The following TFF2 variants were observed in gnomAD, a reference collection of about 807,000 sequenced individuals.
TFF2 encodes the protein spasmolysin.
A neutral mutation model predicts 16.0 loss-of-function variants in TFF2; 19 were observed. The observed-to-expected ratio is 1.19, with a 90% CI of 0.83 to 1.74. TFF2 has a LOEUF of 1.74. Among genes scored for constraint, TFF2 ranks in the 40% most tolerant of loss-of-function variants. The pLI is 0.00. For missense variants in TFF2, 168 were observed against 166.8 expected, an observed-to-expected ratio of 1.01 and a Z score of -0.04; for synonymous variants, 61 against 65.4, an observed-to-expected ratio of 0.93 and a Z score of 0.32.
Position 42,347,487 on chromosome 21 carries a change from T to G in TFF2, c.375A>C (p.Glu125Asp). The change falls in exon 3 of 4, where the codon GAA (glutamate) becomes GAC (aspartate). Residue 125 changes from glutamate (E) to aspartate (D), a missense_variant and splice_region_variant. Coordinates refer to ENST00000291526, the MANE Select transcript of TFF2 (RefSeq NM_005423.5). ...CAGAGAGTCCCACAGCGACGTTACC[T>G]TCCACAGACTTCGGGAAGAAGCACC... is the stretch of plus-strand genomic sequence containing the variant. The part of the protein sequence containing the change: ...VPWCFFPKSV[E>D]DCHY 1 of 1,614,120 alleles carries G rather than the reference T, an allele frequency of 6.2e-7. No homozygotes were observed.
Position 42,346,412 on chromosome 21 carries a change from T to C in TFF2, c.*121A>G. On this transcript the variant is annotated 3_prime_UTR_variant, in exon 4 of 4. Coordinates refer to ENST00000291526, the MANE Select transcript of TFF2 (RefSeq NM_005423.5). ...AAATTATATGTTAAACCATTGAAAA[T>C]GAGGAAAAGATGGTTAAGAAAACCC... 7.9e-7 allele frequency: 1 copy of C among 1,270,254 alleles called. No individual in the cohort carries two copies. The highest frequency in any genetic ancestry group is 1.1e-6 in the Non-Finnish European group (1 of 883,280). 78.7% of individuals were successfully genotyped at this position (1,270,254 alleles called of 1,614,324 possible).
chr21:42,350,161 A>G, intron 1 of TFF2, 131 bp from the exon 2 acceptor site: 2 of 1,355,572 alleles, frequency 1.5e-6, no homozygotes, highest in South Asian at 1.9e-5. Flanking sequence ...TCTTGCCCAT[A>G]TTTAAGCAAT....
At position 42,349,951 on chromosome 21, in the gene TFF2, A is replaced by T. The variant is rs1305053500; in HGVS notation, c.159T>A (p.Phe53Leu). The part of the protein sequence containing the change: ...GFPGITSDQC[F>L]DNGCCFDSSV... ...TGGAGTCGAAACAGCATCCATTGTCAAAACACTGGTCACTGGTGATTCCAG... is the reference window on the plus strand; with the variant it reads ...TGGAGTCGAAACAGCATCCATTGTCTAAACACTGGTCACTGGTGATTCCAG... Residue 53 changes from phenylalanine to leucine, a missense_variant, in exon 2 of 4, where the codon TTT (phenylalanine) becomes TTA (leucine). Coordinates refer to ENST00000291526, the MANE Select transcript of TFF2 (RefSeq NM_005423.5). The T allele has an allele frequency of 1.9e-6, 3 of 1,600,156 alleles. 1 individual carries two copies. Among genetic ancestry groups the T allele is most frequent in the Non-Finnish European group, 2.6e-6 (3 of 1,173,220 alleles).
rs112793400 is a variant in TFF2 at position 42,349,829 on chromosome 21, C to A, written c.229+52G>T. On this transcript the variant is annotated intron_variant, in intron 2 of 3. Transcript: ENST00000291526. ...CCTGCTCTGGGCTCCGCCTGTGAAG[C>A]TGGGTCCTGGGTTGCCAGCTGCTGG... is the stretch of plus-strand genomic sequence containing the variant. 1.5e-4 allele frequency: 224 copies of A among 1,523,542 alleles called. 1 individual carries two copies. The African/African-American group carries it at 2.6e-3, about 17-fold the overall frequency. The allele number at this position is 1,523,542 out of a possible 1,614,324, so 94.4% of individuals were successfully genotyped here. A position where few individuals can be genotyped will look rare whatever the true frequency, so the allele number is the denominator to read the frequency against.
intron 3 of TFF2, among the ~76,000 whole-genome samples, chr21:42,347,280 T>C (rs908395893): frequency 4.6e-5 from 7 of 152,198 alleles, no homozygotes; most frequent in African/African-American, 1.7e-4. Flanking sequence ...GCAGTGGCAA[T>C]GCTGGAGGCT....
chr21:42,348,036 A>C (rs1412413798), intron 2 of TFF2, among the ~76,000 whole-genome samples: 1 of 152,178 alleles, frequency 6.6e-6, no homozygotes, highest in Non-Finnish European at 1.5e-5. Context: ...TAAGATGGAA[A>C]GCGTTTGGAC....
chr21:42,347,619 G>A lies in TFF2; in HGVS notation c.243C>T (p.Cys81=). ...HPLPKQESDQ[C]VMEVSDRRNC... Reference sequence around the variant, plus strand: ...TTCTTCGGTCTGAGACCTCCATGACGCACTGATCCGACTCTGCCATGGGAC... The same window carrying A: ...TTCTTCGGTCTGAGACCTCCATGACACACTGATCCGACTCTGCCATGGGAC... Residue 81 remains cysteine (C), a synonymous_variant, in exon 3 of 4, where the codon TGC becomes TGT. Coordinates refer to ENST00000291526, the MANE Select transcript of TFF2 (RefSeq NM_005423.5). 3.1e-6 allele frequency: 5 copies of A among 1,614,068 alleles called. No individual in the cohort carries two copies. Among genetic ancestry groups the A allele is most frequent in the African/African-American group, 1.3e-5 (1 of 75,054 alleles).
Position 42,350,943 on chromosome 21 carries a change from G to C in TFF2, c.15C>G (p.Asp5Glu). MGRRDAQLLAALLVL... is the reference protein window; with the variant it reads MGRREAQLLAALLVL... The stretch of plus-strand genomic sequence containing the variant: ...CGAGGAGCGCTGCCAGGAGCTGGGC[G>C]TCTCGCCGTCCCATGTCTAGCTCAG... Residue 5 changes from aspartate to glutamate, a missense_variant, in exon 1 of 4, where the codon GAC becomes GAG. By Grantham distance (45) the Asp-to-Glu change is conservative. Coordinates refer to ENST00000291526, the MANE Select transcript of TFF2 (RefSeq NM_005423.5). 1 of 1,613,892 alleles carries C rather than the reference G, an allele frequency of 6.2e-7. No homozygotes were observed. Among genetic ancestry groups the C allele is most frequent in the Non-Finnish European group, 8.5e-7 (1 of 1,179,892 alleles).
chr21:42,347,328 A>G (rs1404624157), intron 3 of TFF2, among the ~76,000 whole-genome samples, 158 bp downstream of exon 3: 2 of 152,218 alleles, frequency 1.3e-5, no homozygotes, highest in Non-Finnish European at 2.9e-5. Context: ...TGCCAAGAAC[A>G]TTCTGGAATT....
intron 2 of TFF2, among the ~76,000 whole-genome samples, chr21:42,348,134 G>C (rs955957758): frequency 6.6e-6 from 1 of 152,202 alleles, no homozygotes; most frequent in Admixed American, 6.5e-5. Context: ...GGCCCAGCAA[G>C]CCTCCCAGCA....
chr21:42,346,581 A>G (rs1396413547), intron 3 of TFF2, 35 bp from the exon 4 acceptor site: 2 of 1,585,830 alleles, frequency 1.3e-6, no homozygotes, highest in African/African-American at 2.7e-5. Context: ...TGGTAAGGGA[A>G]CCCCAGAAAT....
At chr21:42,349,754 A>G (rs537143421) in intron 2 of TFF2, 127 bp downstream of exon 2, 1 of 996,398 alleles carries the variant, frequency 1.0e-6, no homozygotes, top group Non-Finnish European at 1.4e-6. Flanking sequence ...CTAGCTCGAG[A>G]CTAACCCACC....
chr21:42,346,448 G>T lies in TFF2; in HGVS notation c.*85C>A. Reference sequence around the variant, plus strand: ...TGGTTAAGAAAACCCAGGATTTCATGAAGTATGAAGCTGATAAGGCGAAGT... The same window carrying T: ...TGGTTAAGAAAACCCAGGATTTCATTAAGTATGAAGCTGATAAGGCGAAGT... On this transcript the variant is annotated 3_prime_UTR_variant, in exon 4 of 4. Transcript: ENST00000291526. The T allele has an allele frequency of 6.6e-7, 1 of 1,515,942 alleles. No homozygotes were observed. Among genetic ancestry groups the T allele is most frequent in the Non-Finnish European group, 9.1e-7 (1 of 1,097,756 alleles). The allele number at this position is 1,515,942 out of a possible 1,614,324, so 93.9% of individuals were successfully genotyped here.
chr21:42,350,372 C>CA (rs796159778), intron 1 of TFF2: 7,481 of 188,970 alleles, frequency 0.04, 96 homozygotes, highest in African/African-American at 0.061. Context: ...ACAAACAATA[C>CA]AAAAAAAAAA....
In TFF2 at chr21:42,347,713, G is replaced by A. The variant is rs115002146; in HGVS notation, c.230-81C>T. 2.2e-3 allele frequency: 3,465 copies of A among 1,540,638 alleles called. 64 individuals are homozygous for A. The African/African-American group carries it at 0.042, about 19-fold the overall frequency. On this transcript the variant is annotated intron_variant, in intron 2 of 3. Coordinates refer to ENST00000291526, the MANE Select transcript of TFF2 (RefSeq NM_005423.5). ...AGCTCCACCCCTTCCTCCTCTGAGAGCAGCGCTGATTTGCAGCCTCCGTGG... is the reference window on the plus strand; with the variant it reads ...AGCTCCACCCCTTCCTCCTCTGAGAACAGCGCTGATTTGCAGCCTCCGTGG...
Position 42,346,469 on chromosome 21 carries a change from G to A in TFF2, c.*64C>T, listed in dbSNP as rs1237673407. On this transcript the variant is annotated 3_prime_UTR_variant, in exon 4 of 4. Transcript: ENST00000291526. ...TCATGAAGTATGAAGCTGATAAGGC[G>A]AAGTTTCTTCTTTGGTTTCGGAACA... 8.1e-6 allele frequency: 13 copies of A among 1,601,178 alleles called. No individual in the cohort carries two copies. The highest frequency in any genetic ancestry group is 2.7e-5 in the African/African-American group (2 of 74,458).
chr21:42,350,793 C>A (rs2052110736), intron 1 of TFF2, 86 bp downstream of exon 1: 1 of 1,399,656 alleles, frequency 7.1e-7, no homozygotes, highest in Non-Finnish European at 9.8e-7. Context: ...GCCATTCCCC[C>A]TCTCAAGTTA....
intron 1 of TFF2, 82 bp from the exon 2 acceptor site, chr21:42,350,112 C>T: frequency 3.4e-6 from 5 of 1,482,296 alleles, no homozygotes; most frequent in Non-Finnish European, 4.5e-6. Flanking sequence ...GGGGATGCCT[C>T]TACTGTCTTG....
At position 42,347,577 on chromosome 21, in the gene TFF2, G is replaced by T; in HGVS notation, c.285C>A (p.Gly95=). The T allele has an allele frequency of 6.2e-7, 1 of 1,614,216 alleles. No individual in the cohort carries two copies. Among genetic ancestry groups the T allele is most frequent in the Non-Finnish European group, 8.5e-7 (1 of 1,180,028 alleles). Residue 95 remains glycine (G), a synonymous_variant, in exon 3 of 4, where the codon GGC becomes GGA. Coordinates refer to ENST00000291526, the MANE Select transcript of TFF2 (RefSeq NM_005423.5). ...VSDRRNCGYP[G]ISPEECASRK... ...GAGAGGCGCATTCCTCGGGGCTGAT[G>T]CCCGGGTAGCCACAGTTTCTTCGGT...
Sources: gnomAD v4.1 joint callset for allele counts (sites outside exome capture counted in the v4.1 genomes callset) on GRCh38, gnomAD v4.1.1 for gene constraint, MANE v1.5 for transcripts, NCBI Gene and HGNC (gene_info 2026-07-23, HGNC 2026-07-21) for gene names.